Variants in ADGRL2 observed in about 807,000 individuals in gnomAD.
The protein encoded by ADGRL2 is adhesion G protein-coupled receptor L2.
In ADGRL2, 44 loss-of-function variants were observed where a neutral mutation model predicts 157.4. The observed-to-expected ratio is 0.28, with a 90% CI of 0.22 to 0.36. The LOEUF is 0.36. Among genes scored for constraint, ADGRL2 ranks in the 10% least tolerant of loss-of-function variants. The pLI is 1.00. For synonymous variants in ADGRL2, 585 were observed against 624.7 expected, an observed-to-expected ratio of 0.94 and a Z score of 0.95; for missense variants, 1,510 against 1,768.9, an observed-to-expected ratio of 0.85 and a Z score of 2.63.
At chr1:81,799,230 A>G (rs2087748791), upstream of ADGRL2, among the ~76,000 whole-genome samples, 1 of 152,228 alleles carries the variant, frequency 6.6e-6, no homozygotes, top group African/African-American at 2.4e-5. Context: ...AGTGTACTTT[A>G]TCCAGACTAG....
At chr1:81,768,067 A>T (rs2086205543) in intron 2 of ADGRL2, among the ~76,000 whole-genome samples, 1 of 152,098 alleles carries the variant, frequency 6.6e-6, no homozygotes, top group Admixed American at 6.6e-5. Context: ...ATTTTTAGAG[A>T]CAAGACCTCA....
chr1:81,920,715 G>T (rs992699427), intron 3 of ADGRL2, among the ~76,000 whole-genome samples: 1 of 152,062 alleles, frequency 6.6e-6, no homozygotes, highest in Admixed American at 6.6e-5. Context: ...ATCTGTCATG[G>T]CTTCAATGAT....
chr1:81,424,295 A>T (rs4633319), intron 1 of ADGRL2, among the ~76,000 whole-genome samples: 27,709 of 152,212 alleles, frequency 0.18, 3,109 homozygotes, highest in East Asian at 0.43. Flanking sequence ...GGAGGCACGA[A>T]GGAAGTGCAC....
intron 2 of ADGRL2, among the ~76,000 whole-genome samples, chr1:81,510,522 T>A (rs1162456620): frequency 1.3e-5 from 2 of 152,092 alleles, no homozygotes; most frequent in Non-Finnish European, 2.9e-5. Flanking sequence ...TCCCTTAAAA[T>A]GAGCCATGAT....
chr1:81,447,080 A>G (rs186551450), intron 2 of ADGRL2, among the ~76,000 whole-genome samples: 2 of 152,146 alleles, frequency 1.3e-5, no homozygotes, highest in African/African-American at 4.8e-5. Context: ...CATAAATTTT[A>G]CTATTAAAAT....
chr1:81,640,076 C>T (rs1441000945), intron 3 of ADGRL2, among the ~76,000 whole-genome samples: 5 of 152,156 alleles, frequency 3.3e-5, no homozygotes, highest in Non-Finnish European at 7.3e-5. Context: ...TCCTGATAAT[C>T]ATAGTAGTAG....
intron 1 of ADGRL2, among the ~76,000 whole-genome samples, chr1:81,826,588 T>C (rs1047357356): frequency 2.6e-5 from 4 of 152,218 alleles, no homozygotes; most frequent in African/African-American, 9.6e-5. Context: ...AAGAAGTATG[T>C]GTGTATGGTT....
At chr1:81,442,582 A>T (rs184377398) in intron 1 of ADGRL2, among the ~76,000 whole-genome samples, 1 of 152,198 alleles carries the variant, frequency 6.6e-6, no homozygotes, top group African/African-American at 2.4e-5. Flanking sequence ...AAGTCTATGT[A>T]GGAAATTTTC....
At chr1:81,958,461 G>T (rs1028693243) in intron 11 of ADGRL2, among the ~76,000 whole-genome samples, 3 of 151,982 alleles carry the variant, frequency 2.0e-5, no homozygotes, top group African/African-American at 7.3e-5. Context: ...CTCCCTTGAG[G>T]ACATGGCTAT....
chr1:81,755,997 A>G (rs562065053), intron 1 of ADGRL2, among the ~76,000 whole-genome samples: 58 of 152,168 alleles, frequency 3.8e-4, no homozygotes, highest in Non-Finnish European at 7.2e-4. Context: ...AGGTATGCAC[A>G]TTCGAGTTTA....
At chr1:81,684,700 C>T (rs2083194118) in intron 3 of ADGRL2, among the ~76,000 whole-genome samples, 1 of 152,120 alleles carries the variant, frequency 6.6e-6, no homozygotes, top group Non-Finnish European at 1.5e-5. Flanking sequence ...TCATTAAATC[C>T]TTGCCTAAGC....
intron 1 of ADGRL2, chr1:81,427,625 AG>A: frequency 1.6e-6 from 1 of 640,164 alleles, no homozygotes; most frequent in Non-Finnish European, 2.9e-6. Context: ...ACAGCAGAAA[AG>A]GGCTGCAGCT....
chr1:81,686,646 TG>T (rs2083234056), intron 3 of ADGRL2, among the ~76,000 whole-genome samples: 1 of 152,212 alleles, frequency 6.6e-6, no homozygotes, highest in African/African-American at 2.4e-5. Context: ...AATTCTGCTC[TG>T]ATCTCGGTTA....
chr1:81,525,271 C>A (rs1405526509), intron 2 of ADGRL2, among the ~76,000 whole-genome samples: 1 of 151,804 alleles, frequency 6.6e-6, no homozygotes, highest in Non-Finnish European at 1.5e-5. Flanking sequence ...CCGGAAGGAG[C>A]CTAACATTCC....
chr1:81,722,469 T>C, intron 1 of ADGRL2: 1 of 1,514,294 alleles, frequency 6.6e-7, no homozygotes, highest in Non-Finnish European at 9.0e-7. Flanking sequence ...GCCAGCGTTT[T>C]CGTCAAATTA....
At chr1:81,457,004 G>A (rs925387360) in intron 2 of ADGRL2, among the ~76,000 whole-genome samples, 4 of 151,964 alleles carry the variant, frequency 2.6e-5, no homozygotes, top group African/African-American at 7.3e-5. Flanking sequence ...GCACAGAGTT[G>A]TAAGTTTAAT....
intron 2 of ADGRL2, among the ~76,000 whole-genome samples, chr1:81,550,457 A>G (rs2080118804): frequency 6.6e-6 from 1 of 152,134 alleles, no homozygotes; most frequent in Non-Finnish European, 1.5e-5. Flanking sequence ...GCTTTCGGGG[A>G]CTTATTCACA....
intron 2 of ADGRL2, chr1:81,557,199 G>A (rs1200715919): frequency 2.2e-5 from 4 of 180,482 alleles, no homozygotes; most frequent in Admixed American, 6.2e-5. Flanking sequence ...ACCGATGCTG[G>A]CCGGCTTTTC....
chr1:81,591,350 G>C (rs1311006487), intron 3 of ADGRL2, among the ~76,000 whole-genome samples: 3 of 152,140 alleles, frequency 2.0e-5, no homozygotes, highest in Admixed American at 2.0e-4. Context: ...CAGGAAGCTT[G>C]CTTAGGCTGA....
Sources: allele counts gnomAD v4.1 joint callset (sites outside exome capture counted in the v4.1 genomes callset), GRCh38; gene constraint gnomAD v4.1.1; transcripts MANE v1.5; gene names NCBI Gene and HGNC (gene_info 2026-07-23, HGNC 2026-07-21).